The following HPSE2 variants were observed in gnomAD, a reference collection of about 807,000 sequenced individuals.
HPSE2 encodes the protein heparanase 2 (inactive), also known as inactive heparanase-2.
Under a neutral mutation model 60.5 loss-of-function variants are expected in HPSE2, and 38 were observed. The observed-to-expected ratio is 0.63, with a 90% confidence interval of 0.48 to 0.82. HPSE2 has a LOEUF of 0.82. HPSE2 is among the 40% of genes least tolerant of loss of function. HPSE2 has a pLI of 0.00. For synonymous variants in HPSE2, 295 were observed against 293.2 expected, an observed-to-expected ratio of 1.01 and a Z score of -0.06; for missense variants, 713 against 740.4, an observed-to-expected ratio of 0.96 and a Z score of 0.43.
chr10:98,785,909 G>A (rs371378156), intron 3 of HPSE2, among the ~76,000 whole-genome samples: 3 of 7,394 alleles, frequency 4.1e-4, no homozygotes, highest in African/African-American at 3.0e-3. Context: ...TGGATTCATT[G>A]ATTTTTTGAA....
intron 3 of HPSE2, among the ~76,000 whole-genome samples, chr10:99,110,016 T>C (rs1414425758): frequency 1.3e-5 from 2 of 152,174 alleles, no homozygotes; most frequent in African/African-American, 4.8e-5. Context: ...CCAGAAATTA[T>C]ACGATAGCAA....
At chr10:99,094,538 ATATTTTTTTTTTTTTTTTTTT>A (rs1843645880) in intron 3 of HPSE2, among the ~76,000 whole-genome samples, 1 of 22,736 alleles carries the variant, frequency 4.4e-5, no homozygotes, top group Non-Finnish European at 8.7e-5. Flanking sequence ...ATATATATAT[ATATTTTTTTTTTTTTTTTTTT>A]TTTTTTTTTT....
intron 3 of HPSE2, among the ~76,000 whole-genome samples, chr10:99,087,189 T>C (rs185479039): frequency 1.2e-4 from 18 of 152,362 alleles, no homozygotes; most frequent in African/African-American, 4.1e-4. Flanking sequence ...AAAAGCATAT[T>C]TGCAGATCAT....
intron 3 of HPSE2, among the ~76,000 whole-genome samples, chr10:99,071,640 T>G (rs1306193789): frequency 6.6e-6 from 1 of 152,244 alleles, no homozygotes; most frequent in Non-Finnish European, 1.5e-5. Flanking sequence ...AAACCATCGC[T>G]AATGCCAATG....
the HPSE2 span, among the ~76,000 whole-genome samples, chr10:99,243,014 CAT>C: frequency 6.6e-6 from 1 of 152,056 alleles, no homozygotes; most frequent in South Asian, 2.1e-4. Context: ...ATTTTATGCT[CAT>C]AGCATAAAAA....
Position 99,013,160 on chromosome 10 carries a change from T to C in HPSE2, c.610+131078A>G. 2 of 673,790 alleles carry C rather than the reference T, an allele frequency of 3.0e-6. 1 individual carries two copies. The highest frequency in any genetic ancestry group is 3.8e-5 in the Admixed American group (2 of 53,250). The allele number at this position is 673,790 out of a possible 1,614,324, so 41.7% of individuals were successfully genotyped here. On this transcript the variant is annotated intron_variant, in intron 3 of 11. Transcript: ENST00000370552. ...GTCCTTGGCACAATCCCTCACCAGT[T>C]AGAGAACAGCATGCCTGGATATGCC...
At chr10:99,245,394 G>A in the HPSE2 span, among the ~76,000 whole-genome samples, 2 of 152,334 alleles carry the variant, frequency 1.3e-5, no homozygotes, top group South Asian at 4.1e-4. Flanking sequence ...TTCAGGTAAT[G>A]AGGAGAAATA....
intron 2 of HPSE2, among the ~76,000 whole-genome samples, chr10:99,163,420 T>A (rs1275816605): frequency 4.6e-5 from 7 of 152,120 alleles, no homozygotes; most frequent in African/African-American, 1.7e-4. Context: ...ACATTCTCCT[T>A]CCTCTTTCCA....
chr10:99,238,321 G>A (rs954351843), upstream of HPSE2, among the ~76,000 whole-genome samples: 1 of 152,132 alleles, frequency 6.6e-6, no homozygotes, highest in Admixed American at 6.5e-5. Flanking sequence ...ATGAACTTGA[G>A]TATAATGAGA....
At chr10:98,671,516 G>A (rs1947506122) in intron 6 of HPSE2, among the ~76,000 whole-genome samples, 1 of 49,156 alleles carries the variant, frequency 2.0e-5, no homozygotes, top group African/African-American at 7.0e-5. Context: ...GTCATTCAGC[G>A]TTCACTTATC....
chr10:98,657,557 G>A (rs139049990), intron 6 of HPSE2, among the ~76,000 whole-genome samples: 18 of 152,152 alleles, frequency 1.2e-4, no homozygotes, highest in African/African-American at 3.6e-4. Flanking sequence ...GGCTGGTCTC[G>A]AACTCTTGAC....
At chr10:98,734,806 CTTTATT>C (rs1443083016) in intron 4 of HPSE2, among the ~76,000 whole-genome samples, 1 of 151,036 alleles carries the variant, frequency 6.6e-6, no homozygotes, top group African/African-American at 2.4e-5. Context: ...AATTGATAAA[CTTTATT>C]TTTATTTTTA....
At chr10:98,810,871 C>A (rs1358802531) in intron 3 of HPSE2, among the ~76,000 whole-genome samples, 1 of 152,000 alleles carries the variant, frequency 6.6e-6, no homozygotes, top group Admixed American at 6.6e-5. Flanking sequence ...ACATGCAGCC[C>A]GTGGGCCATG....
chr10:98,977,084 C>T (rs2135286055), intron 3 of HPSE2, among the ~76,000 whole-genome samples: 1 of 152,292 alleles, frequency 6.6e-6, no homozygotes, highest in South Asian at 2.1e-4. Context: ...TTTCAGACCT[C>T]TGGCCTCCAG....
At chr10:98,862,911 C>T (rs1384318403) in intron 3 of HPSE2, among the ~76,000 whole-genome samples, 1 of 152,132 alleles carries the variant, frequency 6.6e-6, no homozygotes, top group Non-Finnish European at 1.5e-5. Flanking sequence ...TGGGCATGTA[C>T]CACTGTGCCA....
chr10:98,785,640 A>G (rs1230435708), intron 3 of HPSE2, among the ~76,000 whole-genome samples: 1 of 148,204 alleles, frequency 6.7e-6, no homozygotes, highest in Non-Finnish European at 1.5e-5. Context: ...TGGTCTATTC[A>G]GAGAGTCAAC....
At chr10:98,748,935 T>A (rs1218485218) in intron 3 of HPSE2, among the ~76,000 whole-genome samples, 1 of 152,032 alleles carries the variant, frequency 6.6e-6, no homozygotes, top group Non-Finnish European at 1.5e-5. Context: ...AGATTTAGGT[T>A]GTGATGAGAC....
At chr10:99,132,195 G>GAAAGAAAGAAAGAAAGAA (rs1564832790) in intron 3 of HPSE2, among the ~76,000 whole-genome samples, 3 of 14,128 alleles carry the variant, frequency 2.1e-4, no homozygotes, top group African/African-American at 4.5e-4. Context: ...GAAAGAAAGA[G>GAAAGAAAGAAAGAAAGAA]AGAGAGAGAG....
chr10:99,305,975 G>GCACACACACACACACACACACACACACA, the HPSE2 span, among the ~76,000 whole-genome samples: 15 of 48,114 alleles, frequency 3.1e-4, no homozygotes, highest in African/African-American at 9.4e-4. Flanking sequence ...GCGCGCGCGC[G>GCACACACACACACACACACACACACACA]CGCGCACACA....
Sources: gnomAD v4.1 joint callset for allele counts (sites outside exome capture counted in the v4.1 genomes callset) on GRCh38, gnomAD v4.1.1 for gene constraint, MANE v1.5 for transcripts, NCBI Gene and HGNC (gene_info 2026-07-23, HGNC 2026-07-21) for gene names.